The following NOTCH2 variants were observed in gnomAD, a reference collection of about 807,000 sequenced individuals.
NOTCH2 encodes notch receptor 2, also known as neurogenic locus notch homolog protein 2.
In NOTCH2, 29 loss-of-function variants were observed where a neutral mutation model predicts 235.8. The observed-to-expected ratio is 0.12, with a 90% confidence interval of 0.09 to 0.17. The LOEUF (loss-of-function observed/expected upper bound fraction) is 0.17, where lower values mean the gene tolerates loss of function less well. Ranked by LOEUF, NOTCH2 falls within the 10% of genes least tolerant of loss-of-function variation. The pLI, the probability that NOTCH2 is intolerant of heterozygous loss-of-function variation, is 1.00. For missense variants in NOTCH2, 2,285 were observed against 3,150.2 expected, an observed-to-expected ratio of 0.73 and a Z score of 6.57; for synonymous variants, 1,086 against 1,141.5, an observed-to-expected ratio of 0.95 and a Z score of 0.98.
chr1:119,988,878 T>C (rs1442006740), intron 4 of NOTCH2, among the ~76,000 whole-genome samples: 3 of 152,212 alleles, frequency 2.0e-5, no homozygotes, highest in African/African-American at 7.2e-5. Context: ...ATAGAAACTG[T>C]GACTCTAACT....
chr1:119,926,273 C>T (rs1300860599), intron 24 of NOTCH2, among the ~76,000 whole-genome samples: 1 of 152,228 alleles, frequency 6.6e-6, no homozygotes, highest in Non-Finnish European at 1.5e-5. Context: ...GATTGGGAAG[C>T]TCACTGTTTC....
chr1:120,065,725 A>C (rs1241488919), intron 1 of NOTCH2, among the ~76,000 whole-genome samples: 2 of 152,154 alleles, frequency 1.3e-5, no homozygotes, highest in African/African-American at 4.8e-5. Context: ...GCTGACAAAG[A>C]AAGAAAAGAA....
intron 4 of NOTCH2, among the ~76,000 whole-genome samples, chr1:119,988,484 TATC>T (rs1553202484): frequency 6.6e-6 from 1 of 152,152 alleles, no homozygotes; most frequent in African/African-American, 2.4e-5. Context: ...TTCAAAAATG[TATC>T]ATATTACTCA....
intron 1 of NOTCH2, among the ~76,000 whole-genome samples, chr1:120,045,367 G>A (rs1654742014): frequency 9.8e-6 from 1 of 101,952 alleles, no homozygotes; most frequent in Non-Finnish European, 1.8e-5. Context: ...ACCCTTGCAT[G>A]CAGCAGTAGC....
chr1:120,016,063 G>A (rs1375727580), intron 2 of NOTCH2, among the ~76,000 whole-genome samples: 1 of 131,204 alleles, frequency 7.6e-6, no homozygotes, highest in Non-Finnish European at 1.6e-5. Context: ...GTCCAGAACT[G>A]GGACGCTTGT....
Position 119,921,824 on chromosome 1 carries a change from A to G in NOTCH2, c.5214-15T>C. 1 of 1,598,690 alleles carries G rather than the reference A, an allele frequency of 6.3e-7. No homozygotes were observed. The highest frequency in any genetic ancestry group is 1.7e-5 in the Admixed American group (1 of 60,004). On this transcript the variant is annotated splice_polypyrimidine_tract_variant and intron_variant, in intron 28 of 33. Coordinates refer to ENST00000256646, the MANE Select transcript of NOTCH2 (RefSeq NM_024408.4). ...CTGAGAGATTTCTAATATGATTATA[A>G]AAAGAAAAAATAAGAATGGCAGTCA...
Position 119,911,620 on chromosome 1 carries a change from C to A in NOTCH2, c.*3686G>T, listed in dbSNP as rs1240599169. The A allele has an allele frequency of 4.3e-6, 1 of 232,158 alleles. No individual in the cohort carries two copies. The allele number at this position is 232,158 out of a possible 1,614,324, so 14.4% of individuals were successfully genotyped here. ...AATGTGAACTTATAACAAATTTATACACAAAATATTATTTTATAATCCTGT... is the reference window on the plus strand; with the variant it reads ...AATGTGAACTTATAACAAATTTATAAACAAAATATTATTTTATAATCCTGT... On this transcript the variant is annotated 3_prime_UTR_variant, in exon 34 of 34. Transcript: ENST00000256646.
chr1:119,979,840 G>A (rs1392380370), intron 5 of NOTCH2, among the ~76,000 whole-genome samples: 2 of 152,084 alleles, frequency 1.3e-5, no homozygotes, highest in African/African-American at 4.8e-5. Context: ...GCTATGAGAA[G>A]TATGCTAATT....
rs79937386 is a variant in NOTCH2, at chr1:119,977,355, A to G, written c.875-7611T>C. Among the ~76,000 whole-genome samples, 255 of 152,176 alleles carry G rather than the reference A, an allele frequency of 1.7e-3. 4 individuals carry two copies. The East Asian group carries it at 0.035, about 21-fold the overall frequency. On this transcript the variant is annotated intron_variant, in intron 5 of 33. Transcript: ENST00000256646. ...TCCCCTTCCTGTGTCACTGAACTCT[A>G]TCTCATTTGTATCACACCCAGATTC...
intron 25 of NOTCH2, 140 bp downstream of exon 25, chr1:119,925,165 G>T: frequency 9.9e-7 from 1 of 1,009,772 alleles, no homozygotes; most frequent in African/African-American, 1.6e-5. Flanking sequence ...ACAGGGCAGT[G>T]TGCGATGGGA....
chr1:120,066,098 G>A (rs1177060971), intron 1 of NOTCH2, among the ~76,000 whole-genome samples: 1 of 151,994 alleles, frequency 6.6e-6, no homozygotes, highest in Non-Finnish European at 1.5e-5. Flanking sequence ...CCCTTCTAAA[G>A]GGTCAATGCA....
chr1:119,929,236 G>A, intron 22 of NOTCH2, 24 bp from the exon 23 acceptor site: 3 of 1,590,208 alleles, frequency 1.9e-6, no homozygotes, highest in Non-Finnish European at 8.6e-7. Context: ...AAGAGGTACA[G>A]AATTATGAAA....
Position 119,941,681 on chromosome 1 carries a change from A to T in NOTCH2, c.2826T>A (p.Thr942=), listed in dbSNP as rs2101105596. Residue 942 remains threonine (T), a synonymous_variant, in exon 18 of 34, where the codon ACT becomes ACA. Coordinates refer to ENST00000256646, the MANE Select transcript of NOTCH2 (RefSeq NM_024408.4). The part of the protein sequence containing the change: ...TFSCLCLPGF[T]GDKCQTDMNE... Reference sequence around the variant, plus strand: ...TCATGTCTGTCTGGCACTTATCCCCAGTGAAACCCGGAAGGCAGAGGCAGG... The same window carrying T: ...TCATGTCTGTCTGGCACTTATCCCCTGTGAAACCCGGAAGGCAGAGGCAGG... The T allele has an allele frequency of 6.2e-7, 1 of 1,614,228 alleles. No individual in the cohort carries two copies. The highest frequency in any genetic ancestry group is 8.5e-7 in the Non-Finnish European group (1 of 1,180,042).
In NOTCH2 at chr1:119,922,458, CAG is replaced by C; in HGVS notation, c.5003-14_5003-13del. On this transcript the variant is annotated splice_polypyrimidine_tract_variant and intron_variant, in intron 27 of 33. Transcript: ENST00000256646. ...AGTCAGGGATTCACCTGAAAGTCCA[CAG>C]AGACAGGGAAAGTGCTGAATAAAAC... 1 of 1,608,120 alleles carries C rather than the reference CAG, an allele frequency of 6.2e-7. No individual in the cohort carries two copies. The highest frequency in any genetic ancestry group is 1.1e-5 in the South Asian group (1 of 90,340).
At chr1:119,983,814 A>G (rs1392207052) in intron 5 of NOTCH2, among the ~76,000 whole-genome samples, 1 of 152,196 alleles carries the variant, frequency 6.6e-6, no homozygotes, top group Non-Finnish European at 1.5e-5. Context: ...TACAAAACAA[A>G]GCCGTAACTA....
In NOTCH2 at chr1:120,025,004, G is replaced by T. The variant is rs1315552871; in HGVS notation, c.155+4902C>A. ...ATATGAAACCCACATTTACAGTTTT[G>T]TTTTTTTTTTTATCGTGAAGGTACA... On this transcript the variant is annotated intron_variant, in intron 2 of 33. Coordinates refer to ENST00000256646, the MANE Select transcript of NOTCH2 (RefSeq NM_024408.4). Among the ~76,000 whole-genome samples the T allele has an allele frequency of 4.9e-4, 72 of 148,040 alleles. 1 individual carries two copies. The highest frequency in any genetic ancestry group is 4.0e-3 in the Admixed American group (59 of 14,810).
In NOTCH2 at chr1:119,917,771, G is replaced by C. The variant is rs769908986; in HGVS notation, c.5930-9C>G. 1 of 1,558,082 alleles carries C rather than the reference G, an allele frequency of 6.4e-7. No individual in the cohort carries two copies. The highest frequency in any genetic ancestry group is 8.9e-7 in the Non-Finnish European group (1 of 1,129,276). On this transcript the variant is annotated splice_polypyrimidine_tract_variant and intron_variant, in intron 32 of 33. Transcript: ENST00000256646. Reference sequence around the variant, plus strand: ...GTGAAGAGCAGATTTTCCTGCAGGGGAGAAACATTTTTATAAACAGACATA... The same window carrying C: ...GTGAAGAGCAGATTTTCCTGCAGGGCAGAAACATTTTTATAAACAGACATA...
intron 1 of NOTCH2, among the ~76,000 whole-genome samples, chr1:120,034,308 G>A (rs1448994867): frequency 8.2e-6 from 1 of 122,322 alleles, no homozygotes; most frequent in East Asian, 2.5e-4. Context: ...TGTATCTGCT[G>A]TTTGTGCAGG....
In NOTCH2 at chr1:120,069,556, C is replaced by T. The variant is rs1191635191; in HGVS notation, c.-150G>A. ...GGCGCTACGCTCCGAAGCCCAGGCG[C>T]AAATGCCTCGACTCCCCGCGCCCCG... On this transcript the variant is annotated 5_prime_UTR_variant, in exon 1 of 34. Transcript: ENST00000256646. The T allele has an allele frequency of 3.5e-6, 5 of 1,412,264 alleles. No individual in the cohort carries two copies. The highest frequency in any genetic ancestry group is 4.6e-6 in the Non-Finnish European group (5 of 1,092,020). 87.5% of individuals were successfully genotyped at this position (1,412,264 alleles called of 1,614,324 possible).
Sources: gnomAD v4.1 joint callset for allele counts (sites outside exome capture counted in the v4.1 genomes callset) on GRCh38, gnomAD v4.1.1 for gene constraint, MANE v1.5 for transcripts, NCBI Gene and HGNC (gene_info 2026-07-23, HGNC 2026-07-21) for gene names.